Variants in ZNF850 observed in about 807,000 individuals in gnomAD.
ZNF850 encodes putative zinc finger protein ENSP00000330994.
Under a neutral mutation model 11.9 loss-of-function variants are expected in ZNF850, and 2 were observed. The ratio of observed to expected loss-of-function variants is 0.17; its 90% CI spans 0.07 to 0.53. The LOEUF (loss-of-function observed/expected upper bound fraction) is 0.53, where lower values mean the gene tolerates loss of function less well. Among genes scored for constraint, ZNF850 ranks in the 20% least tolerant of loss-of-function variants. The pLI is 0.94. For synonymous variants in ZNF850, 381 were observed against 443.0 expected (o/e 0.86, Z 1.76); for missense variants, 1,014 against 1,316.4 (o/e 0.77, Z 3.55).
At chr19:36,770,263 A>G (rs537434900) in intron 1 of ZNF850, among the ~76,000 whole-genome samples, 3 of 152,266 alleles carry the variant, frequency 2.0e-5, no homozygotes, top group South Asian at 4.1e-4. Context: ...ACCACTGGCT[A>G]CTTGCCATCA....
chr19:36,769,062 A>C (rs919716279), intron 1 of ZNF850, among the ~76,000 whole-genome samples: 1 of 151,656 alleles, frequency 6.6e-6, no homozygotes, highest in Non-Finnish European at 1.5e-5. Context: ...GGAGTTCATG[A>C]CCAGCCTGGC....
In ZNF850 at chr19:36,765,318, C is replaced by T. The variant is rs185647555; in HGVS notation, c.-69-2643G>A. ...CAGTATCATTTAGACATGACAGGACCGTGGTTGCAGGGGACAGAATGAAGT... is the reference window on the plus strand; with the variant it reads ...CAGTATCATTTAGACATGACAGGACTGTGGTTGCAGGGGACAGAATGAAGT... On this transcript the variant is annotated intron_variant, in intron 1 of 4. Transcript: ENST00000591344. Among the ~76,000 whole-genome samples, 605 of 152,224 alleles carry T rather than the reference C, an allele frequency of 4.0e-3. 7 individuals are homozygous for T. The highest frequency in any genetic ancestry group is 5.1e-3 in the Non-Finnish European group (348 of 68,016).
Position 36,749,740 on chromosome 19 carries a change from A to C in ZNF850, c.1300T>G (p.Ser434Ala). The C allele has an allele frequency of 1.3e-6, 2 of 1,555,550 alleles. No homozygotes were observed. Among genetic ancestry groups the C allele is most frequent in the Middle Eastern group, 3.3e-4 (2 of 6,000 alleles). The change falls in exon 5 of 5, where the codon TCA (serine) becomes GCA (alanine). Residue 434 changes from serine to alanine, a missense_variant. Coordinates refer to ENST00000591344, the MANE Select transcript of ZNF850 (RefSeq NM_001193552.2). The part of the protein sequence containing the change: ...KECGKSFTAG[S>A]TLIQHQRIHT... ...ATTCGCTGATGTTGAATTAGTGTTGAGCCAGCAGTAAAAGATTTTCCACAT... is the reference window on the plus strand; with the variant it reads ...ATTCGCTGATGTTGAATTAGTGTTGCGCCAGCAGTAAAAGATTTTCCACAT...
chr19:36,772,668 C>G (rs1374417008), intron 1 of ZNF850, 57 bp downstream of exon 1: 1 of 153,644 alleles, frequency 6.5e-6, no homozygotes, highest in Non-Finnish European at 1.4e-5. Flanking sequence ...CGATCACACA[C>G]GCAAACTCCT....
intron 1 of ZNF850, among the ~76,000 whole-genome samples, chr19:36,769,013 C>T (rs1368538297): frequency 6.6e-6 from 1 of 150,864 alleles, no homozygotes; most frequent in Non-Finnish European, 1.5e-5. Flanking sequence ...GTAATCCCAG[C>T]ACTTTGGGAG....
At chr19:36,758,801 G>A (rs1029057446) in intron 4 of ZNF850, among the ~76,000 whole-genome samples, 2 of 152,104 alleles carry the variant, frequency 1.3e-5, no homozygotes, top group Admixed American at 6.6e-5. Context: ...AAACCAGGCC[G>A]GGTGTAGTGG....
intron 4 of ZNF850, among the ~76,000 whole-genome samples, chr19:36,759,814 A>C (rs2040507731): frequency 6.6e-6 from 1 of 152,208 alleles, no homozygotes; most frequent in Admixed American, 6.5e-5. Flanking sequence ...GATAGTTTGC[A>C]TTACTTAAAA....
intron 4 of ZNF850, among the ~76,000 whole-genome samples, chr19:36,755,906 C>CTT (rs5827965): frequency 5.5e-4 from 65 of 118,062 alleles, no homozygotes; most frequent in African/African-American, 1.1e-3. Flanking sequence ...AGTTTTTAGC[C>CTT]TTTTTTTTTT....
Position 36,744,547 on chromosome 19 carries a change from GC to G in ZNF850, c.*3219del, listed in dbSNP as rs1285391359. 1 of 151,322 alleles carries G rather than the reference GC, an allele frequency of 6.6e-6. No individual in the cohort carries two copies. The highest frequency in any genetic ancestry group is 1.5e-5 in the Non-Finnish European group (1 of 67,868). 9.4% of individuals were successfully genotyped at this position (151,322 alleles called of 1,614,324 possible). On this transcript the variant is annotated 3_prime_UTR_variant, in exon 5 of 5. Coordinates refer to ENST00000591344, the MANE Select transcript of ZNF850 (RefSeq NM_001193552.2). Reference sequence around the variant, plus strand: ...GAGGCTGAGGTGGGGGATCGATTGAGCCCGGGAAGTTGAGGCTGCAGTGAGC... The same window carrying G: ...GAGGCTGAGGTGGGGGATCGATTGAGCCGGGAAGTTGAGGCTGCAGTGAGC...
chr19:36,770,703 C>CAAAAAAAAAAAAAAA lies in ZNF850; in HGVS notation c.-70+2007_-70+2021dup, dbSNP rs567709722. On this transcript the variant is annotated intron_variant, in intron 1 of 4. Coordinates refer to ENST00000591344, the MANE Select transcript of ZNF850 (RefSeq NM_001193552.2). ...TCTGGGCGACAGAGAGAGACTCCAT[C>CAAAAAAAAAAAAAAA]AAAAAAAAAAAAAAAAAAAAAAAAA... Among the ~76,000 whole-genome samples, 14 of 66,608 alleles carry CAAAAAAAAAAAAAAA rather than the reference C, an allele frequency of 2.1e-4. 1 individual carries two copies. The highest frequency in any genetic ancestry group is 3.1e-4 in the Non-Finnish European group (10 of 31,918). The allele number at this position is 66,608 out of a possible 152,430, so 43.7% of individuals were successfully genotyped here.
rs1419522937 is a variant in ZNF850, at chr19:36,743,757, C to T, written c.*4010G>A. The stretch of plus-strand genomic sequence containing the variant: ...AAAAATATAAAGACTTACTAAAGCA[C>T]ATAAAAGAATACCTACTGAAATAAA... On this transcript the variant is annotated 3_prime_UTR_variant, in exon 5 of 5. Transcript: ENST00000591344. The T allele has an allele frequency of 6.6e-6, 1 of 152,062 alleles. No individual in the cohort carries two copies. Among genetic ancestry groups the T allele is most frequent in the Non-Finnish European group, 1.5e-5 (1 of 67,996 alleles). The allele number at this position is 152,062 out of a possible 1,614,324, so 9.4% of individuals were successfully genotyped here.
At position 36,749,936 on chromosome 19, in the gene ZNF850, CT is replaced by C; in HGVS notation, c.1103del (p.Lys368ArgfsTer13). 6.4e-7 allele frequency: 1 copy of C among 1,569,986 alleles called. No individual in the cohort carries two copies. ...IHTGEKPYDC[K>X]ECGKSFTFHS... is the part of the protein sequence containing the mutation. Reference sequence around the variant, plus strand: ...GAAAAGTAAAAGATTTTCCACATTCCTTACAGTCATAGGGTTTCTCACCAGT... The same window carrying C: ...GAAAAGTAAAAGATTTTCCACATTCCTACAGTCATAGGGTTTCTCACCAGT... On this transcript the variant is annotated frameshift_variant, in exon 5 of 5. Coordinates refer to ENST00000591344, the MANE Select transcript of ZNF850 (RefSeq NM_001193552.2). LOFTEE classifies it low-confidence loss of function (END_TRUNC).
chr19:36,756,982 T>C (rs2040490422), intron 4 of ZNF850, among the ~76,000 whole-genome samples: 1 of 152,210 alleles, frequency 6.6e-6, no homozygotes, highest in African/African-American at 2.4e-5. Flanking sequence ...TCTGTATATA[T>C]CAGAATTAGC....
chr19:36,747,809 A>G lies in ZNF850; in HGVS notation c.3231T>C (p.Leu1077=). The G allele has an allele frequency of 6.4e-7, 1 of 1,562,510 alleles. No homozygotes were observed. The highest frequency in any genetic ancestry group is 8.6e-7 in the Non-Finnish European group (1 of 1,158,566). ...TTCTCTGATGTCGAGTAAGCTGTGT[A>G]AGCTGTTTAAAGGCCTTCCCACATG... The part of the protein sequence containing the change: ...CKTCGKAFKQ[L]TQLTRHQRIH... Residue 1077 remains leucine (L), a synonymous_variant, in exon 5 of 5, where the codon CTT becomes CTC. Coordinates refer to ENST00000591344, the MANE Select transcript of ZNF850 (RefSeq NM_001193552.2).
At position 36,748,048 on chromosome 19, in the gene ZNF850, G is replaced by A. The variant is rs762464538; in HGVS notation, c.2992C>T (p.Arg998Ter). 9.5e-6 allele frequency: 15 copies of A among 1,579,040 alleles called. No homozygotes were observed. The highest frequency in any genetic ancestry group is 1.3e-5 in the Non-Finnish European group (15 of 1,165,484). ...KSFTCGSELI[R>*]HQRTHTGEKP... ...TCACCAGTGTGAGTTCGCTGATGTC[G>A]AATTAGTTCTGAGCCGCAAGTAAAA... The change falls in exon 5 of 5, where the codon CGA becomes TGA. Residue 998 changes from arginine to a stop codon, truncating the protein, a stop_gained. Transcript: ENST00000591344. LOFTEE classifies it low-confidence loss of function (END_TRUNC).
At position 36,747,377 on chromosome 19, in the gene ZNF850, A is replaced by G. The variant is rs554027258; in HGVS notation, c.*390T>C. 1 of 162,616 alleles carries G rather than the reference A, an allele frequency of 6.1e-6. No homozygotes were observed. Among genetic ancestry groups the G allele is most frequent in the Non-Finnish European group, 1.3e-5 (1 of 74,320 alleles). The allele number at this position is 162,616 out of a possible 1,614,324, so 10.1% of individuals were successfully genotyped here. Reference sequence around the variant, plus strand: ...TCTACATTCATTATCAATTTCTTTCAGTATTAAATGTCCTAATTTTGGTGG... The same window carrying G: ...TCTACATTCATTATCAATTTCTTTCGGTATTAAATGTCCTAATTTTGGTGG... On this transcript the variant is annotated 3_prime_UTR_variant, in exon 5 of 5. Coordinates refer to ENST00000591344, the MANE Select transcript of ZNF850 (RefSeq NM_001193552.2).
At position 36,749,444 on chromosome 19, in the gene ZNF850, G is replaced by A; in HGVS notation, c.1596C>T (p.Pro532=). The A allele has an allele frequency of 1.3e-6, 2 of 1,550,452 alleles. No individual in the cohort carries two copies. The highest frequency in any genetic ancestry group is 1.4e-5 in the African/African-American group (1 of 73,112). Residue 532 remains proline (P), a synonymous_variant, in exon 5 of 5, where the codon CCC becomes CCT. Transcript: ENST00000591344. ...QHQRIHTGEK[P]YHCKECGKSF... Reference sequence around the variant, plus strand: ...ATTTTCCACATTCCTTACAATGATAGGGTTTCTCACCAGTGTGAATTCGCT... The same window carrying A: ...ATTTTCCACATTCCTTACAATGATAAGGTTTCTCACCAGTGTGAATTCGCT...
At chr19:36,769,131 G>A (rs999393027) in intron 1 of ZNF850, among the ~76,000 whole-genome samples, 29 of 151,358 alleles carry the variant, frequency 1.9e-4, no homozygotes, top group African/African-American at 7.0e-4. Flanking sequence ...TGTGGTTGCG[G>A]GCACCTGTAA....
chr19:36,763,081 G>A (rs532137674), intron 1 of ZNF850, among the ~76,000 whole-genome samples: 19 of 151,834 alleles, frequency 1.3e-4, no homozygotes, highest in African/African-American at 1.9e-4. Flanking sequence ...TAGTAGAAAC[G>A]AGGTTTTGCC....
Sources: gnomAD v4.1 joint callset for allele counts (sites outside exome capture counted in the v4.1 genomes callset) on GRCh38, gnomAD v4.1.1 for gene constraint, MANE v1.5 for transcripts, NCBI Gene and HGNC (gene_info 2026-07-23, HGNC 2026-07-21) for gene names.